Variants in TRHDE observed in about 807,000 individuals in gnomAD.
TRHDE encodes thyrotropin-releasing hormone-degrading ectoenzyme.
TRHDE carries 72 observed loss-of-function variants against 125.7 expected under a neutral mutation model. That is an observed-to-expected ratio of 0.57 (90% CI 0.47 to 0.70). The LOEUF (loss-of-function observed/expected upper bound fraction) is 0.70, where lower values mean the gene tolerates loss of function less well. Ranked by LOEUF, TRHDE falls within the 30% of genes least tolerant of loss-of-function variation. TRHDE has a pLI of 0.00. For missense variants in TRHDE, 1,110 were observed against 1,327.1 expected (o/e 0.84, Z 2.54); for synonymous variants, 509 against 509.1 (o/e 1.00, Z 0.00).
chr12:72,262,520 C>T (rs1344661368), intron 2 of TRHDE: 1 of 152,106 alleles, frequency 6.6e-6, no homozygotes, highest in Non-Finnish European at 1.5e-5. Context: ...CACAAAGAGC[C>T]ATTGGTGCAT....
chr12:72,346,989 G>A (rs1184182962), intron 2 of TRHDE, among the ~76,000 whole-genome samples: 2 of 152,018 alleles, frequency 1.3e-5, no homozygotes, highest in African/African-American at 2.4e-5. Flanking sequence ...TTCACATGGT[G>A]TTCTCTGTGT....
intron 2 of TRHDE, chr12:72,258,181 G>A (rs1267920864): frequency 1.3e-5 from 2 of 152,086 alleles, no homozygotes; most frequent in Non-Finnish European, 2.9e-5. Flanking sequence ...AAAAATAAAG[G>A]AGAGTAGGAA....
intron 2 of TRHDE, among the ~76,000 whole-genome samples, chr12:72,131,227 A>C (rs1173594828): frequency 6.6e-6 from 1 of 150,878 alleles, no homozygotes; most frequent in Non-Finnish European, 1.5e-5. Context: ...GCCCGCCACC[A>C]CGCCCGGCTA....
chr12:72,425,565 G>C (rs1192220958), intron 3 of TRHDE, among the ~76,000 whole-genome samples: 1 of 152,146 alleles, frequency 6.6e-6, no homozygotes. Flanking sequence ...CTGATGGAAT[G>C]CTCTTGAAAT....
At chr12:72,602,351 C>G (rs1265847505) in intron 12 of TRHDE, among the ~76,000 whole-genome samples, 1 of 152,094 alleles carries the variant, frequency 6.6e-6, no homozygotes, top group Non-Finnish European at 1.5e-5. Context: ...GATGAAAATA[C>G]AGAAGGATTC....
chr12:72,629,673 T>A (rs1277440182), intron 15 of TRHDE, among the ~76,000 whole-genome samples: 3 of 151,678 alleles, frequency 2.0e-5, no homozygotes, highest in African/African-American at 7.3e-5. Flanking sequence ...TCCAAAATAT[T>A]TGTACTAAGA....
At chr12:72,658,480 C>T (rs1301764018) in intron 18 of TRHDE, among the ~76,000 whole-genome samples, 1 of 152,038 alleles carries the variant, frequency 6.6e-6, no homozygotes, top group African/African-American at 2.4e-5. Context: ...TCCTCTCCTC[C>T]CTACCTCTCT....
intron 13 of TRHDE, among the ~76,000 whole-genome samples, chr12:72,620,829 CA>C (rs1251847260): frequency 6.6e-6 from 1 of 151,934 alleles, no homozygotes; most frequent in East Asian, 1.9e-4. Context: ...CATTTTGTTA[CA>C]AAAGTCATCA....
intron 2 of TRHDE, among the ~76,000 whole-genome samples, chr12:72,195,849 T>A (rs12825659): frequency 0.12 from 18,222 of 152,088 alleles, 2,098 homozygotes; most frequent in African/African-American, 0.3. Context: ...GGATTCTTAT[T>A]GTGTGAGGTC....
intron 15 of TRHDE, among the ~76,000 whole-genome samples, chr12:72,622,009 C>T (rs1334377814): frequency 1.3e-5 from 2 of 151,832 alleles, no homozygotes; most frequent in Admixed American, 6.6e-5. Context: ...AAGTTGTCAC[C>T]TTATTTCAAG....
rs559282706 is a variant in TRHDE at position 72,526,837 on chromosome 12, G to A, written c.1723-15454G>A. 2.6e-5 allele frequency among the ~76,000 whole-genome samples: 4 copies of A among 152,120 alleles called. No homozygotes were observed. In the South Asian group the frequency reaches 8.3e-4, roughly 31 times the overall value. ...ATTACAATTTAATGATTAAGTGGAT[G>A]AGATTAAGAAAAATGATGAAGATAC... On this transcript the variant is annotated intron_variant, in intron 6 of 18. Transcript: ENST00000261180.
chr12:72,533,551 CT>C (rs540841726), intron 6 of TRHDE, among the ~76,000 whole-genome samples: 1 of 151,834 alleles, frequency 6.6e-6, no homozygotes, highest in African/African-American at 2.4e-5. Context: ...GTTTTAAAAA[CT>C]TTTTTCTGTA....
intron 3 of TRHDE, among the ~76,000 whole-genome samples, chr12:72,441,179 A>G (rs915327950): frequency 6.6e-5 from 10 of 151,854 alleles, no homozygotes; most frequent in African/African-American, 2.4e-4. Flanking sequence ...TTCAGTGGCT[A>G]TGTTGTAACA....
chr12:72,173,425 A>T (rs1398765423), intron 2 of TRHDE, among the ~76,000 whole-genome samples: 1 of 152,214 alleles, frequency 6.6e-6, no homozygotes, highest in Admixed American at 6.5e-5. Flanking sequence ...TACATAATTC[A>T]TAACAGGAGA....
At chr12:72,135,294 C>T (rs757336831) in intron 2 of TRHDE, among the ~76,000 whole-genome samples, 2 of 152,204 alleles carry the variant, frequency 1.3e-5, no homozygotes, top group Non-Finnish European at 2.9e-5. Flanking sequence ...AGCATTTCTA[C>T]ACAATCTTTT....
chr12:72,141,048 A>C (rs536087057), intron 2 of TRHDE, among the ~76,000 whole-genome samples: 1 of 152,272 alleles, frequency 6.6e-6, no homozygotes, highest in Admixed American at 6.5e-5. Context: ...TCAGAGAAGC[A>C]AAAAATGATT....
rs540716620 is a variant in TRHDE at position 72,225,507 on chromosome 12, G to A, written n.279+119755G>A. On this transcript the variant is annotated intron_variant and non_coding_transcript_variant, in intron 2 of 4. Transcript: ENST00000548156. ...TAGGAGTAGGTAATGGGAGGATGAA[G>A]TATCAGTTAGCTTTAAGCACAAACA... Among the ~76,000 whole-genome samples the A allele has an allele frequency of 5.3e-5, 8 of 152,258 alleles. No individual in the cohort carries two copies. In the South Asian group the frequency reaches 1.7e-3, roughly 32 times the overall value.
intron 5 of TRHDE, among the ~76,000 whole-genome samples, chr12:72,477,252 G>A (rs983543629): frequency 1.3e-5 from 2 of 152,078 alleles, no homozygotes; most frequent in African/African-American, 4.8e-5. Flanking sequence ...TTGATTTTTT[G>A]TATAGATAAG....
At chr12:72,375,404 T>A (rs1238084075) in intron 2 of TRHDE, among the ~76,000 whole-genome samples, 8 of 152,194 alleles carry the variant, frequency 5.3e-5, no homozygotes, top group Admixed American at 5.2e-4. Flanking sequence ...TTAAATTGGA[T>A]CATTTCCATT....
Sources: allele counts gnomAD v4.1 joint callset (sites outside exome capture counted in the v4.1 genomes callset), GRCh38; gene constraint gnomAD v4.1.1; transcripts MANE v1.5; gene names NCBI Gene and HGNC (gene_info 2026-07-23, HGNC 2026-07-21).